Variants in SLC44A1 observed in about 807,000 individuals in gnomAD.
SLC44A1 encodes choline transporter-like protein 1.
A neutral mutation model predicts 79.3 loss-of-function variants in SLC44A1; 26 were observed. The observed-to-expected ratio is 0.33, with a 90% CI of 0.24 to 0.46. SLC44A1 has a LOEUF of 0.46. SLC44A1 is among the 20% of genes least tolerant of loss of function. SLC44A1 has a pLI of 1.00. For synonymous variants in SLC44A1, 263 were observed against 286.2 expected, an observed-to-expected ratio of 0.92 and a Z score of 0.82; for missense variants, 688 against 798.1, an observed-to-expected ratio of 0.86 and a Z score of 1.66.
chr9:105,363,043 G>A lies in SLC44A1; in HGVS notation c.1087+36G>A, dbSNP rs774875168. 25 of 1,467,676 alleles carry A rather than the reference G, an allele frequency of 1.7e-5. 1 individual carries two copies. The highest frequency in any genetic ancestry group is 4.6e-5 in the East Asian group (2 of 43,094). The allele number at this position is 1,467,676 out of a possible 1,614,324, so 90.9% of individuals were successfully genotyped here. ...AAGCTTCTTTCTCTTAGTGACAAAC[G>A]TGATTTGCATTCCAGTATTTTAGAA... is the stretch of plus-strand genomic sequence containing the variant. On this transcript the variant is annotated intron_variant, in intron 9 of 15. Transcript: ENST00000374720.
chr9:105,429,580 G>A (rs147864518), intron 15 of SLC44A1, among the ~76,000 whole-genome samples: 1 of 152,146 alleles, frequency 6.6e-6, no homozygotes, highest in African/African-American at 2.4e-5. Context: ...TGAGATTATA[G>A]GCATGCACCA....
At chr9:105,265,746 G>A (rs1352287207) in intron 1 of SLC44A1, among the ~76,000 whole-genome samples, 2 of 152,198 alleles carry the variant, frequency 1.3e-5, no homozygotes, top group African/African-American at 4.8e-5. Flanking sequence ...TATAAGAAGA[G>A]TTCTAATTGT....
chr9:105,324,041 G>T (rs748041194), intron 3 of SLC44A1, among the ~76,000 whole-genome samples: 1 of 151,882 alleles, frequency 6.6e-6, no homozygotes, highest in Non-Finnish European at 1.5e-5. Flanking sequence ...TTGCTCTGTC[G>T]CCCAGGCTGG....
chr9:105,341,239 A>G (rs780220771), intron 4 of SLC44A1, among the ~76,000 whole-genome samples: 23 of 151,262 alleles, frequency 1.5e-4, no homozygotes, highest in Non-Finnish European at 3.1e-4. Flanking sequence ...GGAGGCTGAG[A>G]TAGGAGAATT....
intron 15 of SLC44A1, among the ~76,000 whole-genome samples, chr9:105,404,194 C>T (rs1588871463): frequency 7.1e-6 from 1 of 140,666 alleles, no homozygotes; most frequent in Non-Finnish European, 1.5e-5. Context: ...AAGATTGTGC[C>T]ACTGCACTCC....
chr9:105,284,880 GA>G (rs1317561791), intron 1 of SLC44A1, among the ~76,000 whole-genome samples: 5 of 152,126 alleles, frequency 3.3e-5, no homozygotes, highest in Non-Finnish European at 7.4e-5. Context: ...ATCAGTTTTA[GA>G]ACATTTTTAT....
At position 105,260,925 on chromosome 9, in the gene SLC44A1, G is replaced by C. The variant is rs148226523; in HGVS notation, c.36+16021G>C. Reference sequence around the variant, plus strand: ...GGGATGATGGGCCAAGCAAATAATAGATCCTCAATAAATGTTTATTGAATA... The same window carrying C: ...GGGATGATGGGCCAAGCAAATAATACATCCTCAATAAATGTTTATTGAATA... On this transcript the variant is annotated intron_variant, in intron 1 of 15. Transcript: ENST00000374720. Among the ~76,000 whole-genome samples, 802 of 152,318 alleles carry C rather than the reference G, an allele frequency of 5.3e-3. 9 individuals carry two copies. Among genetic ancestry groups the C allele is most frequent in the African/African-American group, 0.018 (766 of 41,568 alleles).
rs534467462 is a variant in SLC44A1 at position 105,342,975 on chromosome 9, T to TA, written c.407-5370dup. Among the ~76,000 whole-genome samples, 685 of 141,000 alleles carry TA rather than the reference T, an allele frequency of 4.9e-3. 1 individual carries two copies. Among genetic ancestry groups the TA allele is most frequent in the Non-Finnish European group, 7.1e-3 (457 of 64,388 alleles). 92.5% of individuals were successfully genotyped at this position (141,000 alleles called of 152,430 possible). A position where few individuals can be genotyped will look rare whatever the true frequency, so the allele number is the denominator to read the frequency against. On this transcript the variant is annotated intron_variant, in intron 4 of 15. Coordinates refer to ENST00000374720, the MANE Select transcript of SLC44A1 (RefSeq NM_080546.5). ...GGCAACATAGCAAGATCCTTGTCTC[T>TA]AAAAAAAAAAAAATATATATATATA...
intron 5 of SLC44A1, among the ~76,000 whole-genome samples, chr9:105,352,269 A>G (rs879845469): frequency 2.3e-4 from 35 of 152,320 alleles, no homozygotes; most frequent in Non-Finnish European, 5.0e-4. Flanking sequence ...GCTAGAAATC[A>G]TGTGTAATTG....
intron 3 of SLC44A1, among the ~76,000 whole-genome samples, chr9:105,323,804 A>AG (rs894393870): frequency 1.3e-5 from 2 of 152,192 alleles, no homozygotes; most frequent in Non-Finnish European, 2.9e-5. Flanking sequence ...CGTTTTTCAT[A>AG]GACACAGCTT....
At chr9:105,326,940 C>T (rs751506052) in intron 3 of SLC44A1, among the ~76,000 whole-genome samples, 4 of 152,214 alleles carry the variant, frequency 2.6e-5, no homozygotes, top group Admixed American at 6.5e-5. Context: ...CCTTGTCCTT[C>T]GGTACTCTGC....
chr9:105,400,381 C>G (rs1005918206), downstream of SLC44A1, among the ~76,000 whole-genome samples: 4 of 151,492 alleles, frequency 2.6e-5, no homozygotes, highest in African/African-American at 9.7e-5. Flanking sequence ...CCCAGCTACT[C>G]GGGAGGCTGA....
At chr9:105,333,859 A>G (rs918202092) in intron 3 of SLC44A1, among the ~76,000 whole-genome samples, 1 of 151,046 alleles carries the variant, frequency 6.6e-6, no homozygotes, top group South Asian at 2.1e-4. Flanking sequence ...GGTGATGGCA[A>G]TGGTAGCAGT....
chr9:105,321,824 A>C (rs978806468), intron 3 of SLC44A1, among the ~76,000 whole-genome samples: 5 of 150,018 alleles, frequency 3.3e-5, no homozygotes, highest in Non-Finnish European at 5.9e-5. Flanking sequence ...TAAAAAAAAA[A>C]AACAAGAGAG....
chr9:105,257,709 G>A (rs1829744901), intron 1 of SLC44A1, among the ~76,000 whole-genome samples: 1 of 152,226 alleles, frequency 6.6e-6, no homozygotes, highest in South Asian at 2.1e-4. Context: ...TGGAAGAATG[G>A]GGTTTAGAAA....
chr9:105,414,247 G>A (rs1382673324), intron 15 of SLC44A1, among the ~76,000 whole-genome samples: 2 of 151,960 alleles, frequency 1.3e-5, no homozygotes, highest in Admixed American at 1.3e-4. Flanking sequence ...AGTAGAGATG[G>A]GGTTTCACTG....
intron 15 of SLC44A1, among the ~76,000 whole-genome samples, chr9:105,426,637 A>G (rs1369854035): frequency 6.6e-6 from 1 of 152,210 alleles, no homozygotes; most frequent in East Asian, 1.9e-4. Context: ...GAAAACAGAG[A>G]CTAGGGAAGA....
chr9:105,304,328 C>G (rs1830960239), intron 2 of SLC44A1, among the ~76,000 whole-genome samples: 1 of 152,098 alleles, frequency 6.6e-6, no homozygotes, highest in Admixed American at 6.5e-5. Flanking sequence ...ATAAGAACAA[C>G]AACATTCCAA....
chr9:105,405,740 C>G (rs1284669084), intron 15 of SLC44A1, among the ~76,000 whole-genome samples: 1 of 152,138 alleles, frequency 6.6e-6, no homozygotes, highest in Admixed American at 6.5e-5. Context: ...GCCTCAGAAG[C>G]TTCTTAGGGT....
Sources: allele counts gnomAD v4.1 joint callset (sites outside exome capture counted in the v4.1 genomes callset), GRCh38; gene constraint gnomAD v4.1.1; transcripts MANE v1.5; gene names NCBI Gene and HGNC (gene_info 2026-07-23, HGNC 2026-07-21).